The following MBD5 variants were observed in gnomAD, a reference collection of about 807,000 sequenced individuals.
The protein encoded by MBD5 is methyl-CpG binding domain protein 5.
MBD5 carries 13 observed loss-of-function variants against 117.3 expected under a neutral mutation model. The observed-to-expected ratio is 0.11, with a 90% CI of 0.07 to 0.18. The LOEUF is 0.18. Among genes scored for constraint, MBD5 ranks in the 10% least tolerant of loss-of-function variants. The pLI, the probability that MBD5 is intolerant of heterozygous loss-of-function variation, is 1.00. For synonymous variants in MBD5, 727 were observed against 766.4 expected (o/e 0.95, Z 0.85); for missense variants, 1,879 against 2,093.8 (o/e 0.90, Z 2.00).
At chr2:148,461,220 A>G (rs1250137345) in intron 5 of MBD5, among the ~76,000 whole-genome samples, 3 of 152,162 alleles carry the variant, frequency 2.0e-5, no homozygotes, top group African/African-American at 7.2e-5. Flanking sequence ...GGCGTGAGCC[A>G]CTGCACTCAG....
intron 2 of MBD5, among the ~76,000 whole-genome samples, chr2:148,185,557 T>C (rs546298078): frequency 1.3e-5 from 2 of 152,298 alleles, no homozygotes; most frequent in South Asian, 4.1e-4. Flanking sequence ...AATAGATACA[T>C]AGTCATGGAA....
chr2:148,267,905 G>T (rs1241892015), intron 3 of MBD5, among the ~76,000 whole-genome samples: 1 of 147,352 alleles, frequency 6.8e-6, no homozygotes, highest in African/African-American at 2.5e-5. Flanking sequence ...AGTTGCTATT[G>T]TGAACGATTT....
In MBD5 at chr2:148,043,100, A is replaced by G. The variant is rs983697335; in HGVS notation, c.-925+21416A>G. ...CACCTGAGTTGCATATTAAAATTGC[A>G]GACTATTGGACTCCACCCTAATCTT... On this transcript the variant is annotated intron_variant, in intron 1 of 13. Transcript: ENST00000642680. Among the ~76,000 whole-genome samples, 3 of 152,152 alleles carry G rather than the reference A, an allele frequency of 2.0e-5. No individual in the cohort carries two copies. In the East Asian group the frequency reaches 5.8e-4, roughly 29 times the overall value.
intron 3 of MBD5, among the ~76,000 whole-genome samples, chr2:148,297,632 T>G (rs1202902448): frequency 6.6e-6 from 1 of 152,226 alleles, no homozygotes; most frequent in Non-Finnish European, 1.5e-5. Context: ...TGAAGTTTAT[T>G]CTGACTCCAG....
chr2:148,473,310 C>T (rs1176917730), intron 8 of MBD5, among the ~76,000 whole-genome samples: 1 of 152,018 alleles, frequency 6.6e-6, no homozygotes, highest in African/African-American at 2.4e-5. Context: ...TATCACCTCA[C>T]TCAAATTAGA....
chr2:148,402,941 T>G (rs1195346658), intron 4 of MBD5, among the ~76,000 whole-genome samples: 1 of 152,116 alleles, frequency 6.6e-6, no homozygotes, highest in Non-Finnish European at 1.5e-5. Flanking sequence ...TCTATTCATT[T>G]TATTTTCAGT....
intron 2 of MBD5, among the ~76,000 whole-genome samples, chr2:148,224,682 G>C (rs1204678969): frequency 2.6e-5 from 4 of 151,692 alleles, no homozygotes; most frequent in African/African-American, 7.3e-5. Flanking sequence ...TTAGTGTATT[G>C]GGGCCTATCT....
At chr2:148,436,331 A>G (rs1170545259) in intron 4 of MBD5, among the ~76,000 whole-genome samples, 1 of 152,136 alleles carries the variant, frequency 6.6e-6, no homozygotes, top group African/African-American at 2.4e-5. Flanking sequence ...ACATCTTTAT[A>G]AATTCTTTCT....
intron 7 of MBD5, among the ~76,000 whole-genome samples, chr2:148,468,136 T>C (rs188791276): frequency 1.9e-3 from 284 of 152,240 alleles, no homozygotes; most frequent in Non-Finnish European, 3.2e-3. Flanking sequence ...GGGAAAATAA[T>C]GTACATTTTT....
At chr2:148,278,978 G>A (rs1220879434) in intron 3 of MBD5, among the ~76,000 whole-genome samples, 1 of 152,176 alleles carries the variant, frequency 6.6e-6, no homozygotes, top group Non-Finnish European at 1.5e-5. Context: ...GTGAAAAATT[G>A]CCCTTCCTGC....
intron 4 of MBD5, among the ~76,000 whole-genome samples, chr2:148,434,180 G>GCGTT: frequency 6.6e-6 from 1 of 151,704 alleles, no homozygotes; most frequent in Non-Finnish European, 1.5e-5. Context: ...GGTCACAGTG[G>GCGTT]TGGCTGATGG....
At chr2:148,347,034 C>G (rs1166570798) in intron 4 of MBD5, 1 of 151,894 alleles carries the variant, frequency 6.6e-6, no homozygotes, top group Non-Finnish European at 1.5e-5. Context: ...GAAGCAAATC[C>G]CAGGCATTAT....
intron 4 of MBD5, among the ~76,000 whole-genome samples, chr2:148,384,141 C>A (rs1351690223): frequency 6.6e-6 from 1 of 150,938 alleles, no homozygotes; most frequent in East Asian, 2.0e-4. Flanking sequence ...AAATAAAGGG[C>A]ATTCAATTAG....
intron 1 of MBD5, among the ~76,000 whole-genome samples, chr2:148,076,004 T>G (rs1035951324): frequency 2.6e-5 from 4 of 152,200 alleles, no homozygotes; most frequent in African/African-American, 9.6e-5. Context: ...TATTCTATTG[T>G]AAATAACGTC....
intron 4 of MBD5, among the ~76,000 whole-genome samples, chr2:148,446,115 G>C (rs1006602790): frequency 6.6e-5 from 10 of 150,846 alleles, no homozygotes; most frequent in South Asian, 6.2e-4. Context: ...TTCTTTTGCT[G>C]TGCACAAGCT....
intron 1 of MBD5, among the ~76,000 whole-genome samples, chr2:148,100,689 A>G (rs1270419909): frequency 6.6e-6 from 1 of 152,248 alleles, no homozygotes; most frequent in Non-Finnish European, 1.5e-5. Flanking sequence ...AGGCTAGTTT[A>G]TGCTTCTTCA....
chr2:148,106,660 T>C (rs1696380807), intron 1 of MBD5, among the ~76,000 whole-genome samples: 1 of 151,940 alleles, frequency 6.6e-6, no homozygotes, highest in Admixed American at 6.6e-5. Flanking sequence ...TACTCAGTAT[T>C]CTTATTATCA....
At chr2:148,074,277 T>G (rs1695434163) in intron 1 of MBD5, among the ~76,000 whole-genome samples, 1 of 152,134 alleles carries the variant, frequency 6.6e-6, no homozygotes, top group African/African-American at 2.4e-5. Flanking sequence ...TGTATCTTAT[T>G]TGTAATTCCT....
intron 3 of MBD5, among the ~76,000 whole-genome samples, chr2:148,309,016 T>C (rs1405169177): frequency 6.6e-6 from 1 of 152,202 alleles, no homozygotes; most frequent in African/African-American, 2.4e-5. Flanking sequence ...GGTCTATATA[T>C]CTGTTTTGGT....
Sources: gnomAD v4.1 joint callset for allele counts (sites outside exome capture counted in the v4.1 genomes callset) on GRCh38, gnomAD v4.1.1 for gene constraint, MANE v1.5 for transcripts, NCBI Gene and HGNC (gene_info 2026-07-23, HGNC 2026-07-21) for gene names.